ANKLE2: variants seen among roughly 807,000 people sequenced by gnomAD.
ANKLE2 encodes ankyrin repeat and LEM domain-containing protein 2.
Under a neutral mutation model 84.2 loss-of-function variants are expected in ANKLE2, and 55 were observed. That is an observed-to-expected ratio of 0.65 (90% confidence interval 0.53 to 0.82). ANKLE2 has a LOEUF of 0.82. Ranked by LOEUF, ANKLE2 falls within the 40% of genes least tolerant of loss-of-function variation. ANKLE2 has a pLI of 0.00. For synonymous variants in ANKLE2, 551 were observed against 486.1 expected, an observed-to-expected ratio of 1.13 and a Z score of -1.76; for missense variants, 1,238 against 1,201.9, an observed-to-expected ratio of 1.03 and a Z score of -0.44.
intron 2 of ANKLE2, among the ~76,000 whole-genome samples, chr12:132,753,725 T>C (rs1381168322): frequency 1.3e-5 from 2 of 150,270 alleles, no homozygotes; most frequent in Non-Finnish European, 3.0e-5. Context: ...CAGGTGACAG[T>C]GCGAGACTCT....
chr12:132,737,765 TC>T (rs2044042907), intron 7 of ANKLE2: 1 of 151,278 alleles, frequency 6.6e-6, no homozygotes, highest in African/African-American at 2.5e-5. Flanking sequence ...TTTTTTCTCC[TC>T]TTAGTTTCAG....
At chr12:132,741,824 A>G (rs2044129443) in intron 6 of ANKLE2, 2 of 479,304 alleles carry the variant, frequency 4.2e-6, no homozygotes, top group African/African-American at 2.0e-5. Context: ...TGGTTGGTTG[A>G]GTTCCACTTA....
chr12:132,741,312 C>A, intron 7 of ANKLE2, 107 bp downstream of exon 7: 1 of 1,101,680 alleles, frequency 9.1e-7, no homozygotes, highest in South Asian at 1.4e-5. Context: ...GGGGAGCCGG[C>A]ACACGCCCGG....
Position 132,732,840 on chromosome 12 carries a change from G to A in ANKLE2, c.1891+1545C>T, listed in dbSNP as rs544978137. ...ACGTGCACCATGTGAAGCCCTCTGC[G>A]TGCTGGTGTCTGATATGCACCGTGT... is the stretch of plus-strand genomic sequence containing the variant. On this transcript the variant is annotated intron_variant, in intron 10 of 12. Coordinates refer to ENST00000357997, the MANE Select transcript of ANKLE2 (RefSeq NM_015114.3). Among the ~76,000 whole-genome samples the A allele has an allele frequency of 9.6e-4, 130 of 135,890 alleles. 6 individuals carry two copies. Among genetic ancestry groups the A allele is most frequent in the African/African-American group, 1.3e-3 (45 of 34,038 alleles). 89.1% of individuals were successfully genotyped at this position (135,890 alleles called of 152,430 possible).
intron 7 of ANKLE2, among the ~76,000 whole-genome samples, chr12:132,739,219 A>G (rs2044073348): frequency 6.6e-6 from 1 of 152,208 alleles, no homozygotes; most frequent in Non-Finnish European, 1.5e-5. Flanking sequence ...CAGGTTACCT[A>G]TATAACAAAC....
chr12:132,734,831 C>T lies in ANKLE2; in HGVS notation c.1701-256G>A, dbSNP rs1356744346. 26 of 466,186 alleles carry T rather than the reference C, an allele frequency of 5.6e-5. 1 individual carries two copies. The highest frequency in any genetic ancestry group is 8.4e-5 in the East Asian group (2 of 23,854). 28.9% of individuals were successfully genotyped at this position (466,186 alleles called of 1,614,324 possible). A position where few individuals can be genotyped will look rare whatever the true frequency, so the allele number is the denominator to read the frequency against. Reference sequence around the variant, plus strand: ...TGCAGGCAGGAAGGAGGCCTCAGCCCGACAGACCCTCACGCCAGCAACCCA... The same window carrying T: ...TGCAGGCAGGAAGGAGGCCTCAGCCTGACAGACCCTCACGCCAGCAACCCA... On this transcript the variant is annotated intron_variant, in intron 9 of 12. Coordinates refer to ENST00000357997, the MANE Select transcript of ANKLE2 (RefSeq NM_015114.3).
intron 2 of ANKLE2, among the ~76,000 whole-genome samples, chr12:132,753,522 T>A (rs1047862540): frequency 6.6e-6 from 1 of 152,032 alleles, no homozygotes. Context: ...TCCCAGAACT[T>A]TGGGAGGCCG....
At position 132,748,197 on chromosome 12, in the gene ANKLE2, G is replaced by A. The variant is rs2044280754; in HGVS notation, c.982C>T (p.Leu328Phe). 6.2e-7 allele frequency: 1 copy of A among 1,614,038 alleles called. No individual in the cohort carries two copies. Among genetic ancestry groups the A allele is most frequent in the Non-Finnish European group, 8.5e-7 (1 of 1,179,980 alleles). ...EKGEEDTFSD[L>F]IWSNPRYLIG... ...AGATACCGGGGGTTGCTCCAGATAA[G>A]GTCAGAAAAGGTGTCCTCCTCTCCC... The change falls in exon 4 of 13, where the codon CTT (leucine) becomes TTT (phenylalanine). Residue 328 changes from leucine (L) to phenylalanine (F), a missense_variant. Physicochemically the swap from Leu to Phe is conservative, Grantham distance 22. Transcript: ENST00000357997.
intron 7 of ANKLE2, among the ~76,000 whole-genome samples, chr12:132,740,768 G>C (rs1051086706): frequency 6.6e-6 from 1 of 151,590 alleles, no homozygotes; most frequent in Non-Finnish European, 1.5e-5. Context: ...AGGCACAGGG[G>C]CCAACAACTA....
intron 5 of ANKLE2, among the ~76,000 whole-genome samples, chr12:132,746,144 G>A (rs577692117): frequency 2.0e-5 from 3 of 152,064 alleles, no homozygotes; most frequent in Non-Finnish European, 4.4e-5. Flanking sequence ...GTCAGGAGAT[G>A]GAGACCATCC....
At chr12:132,744,123 C>T (rs575709874) in intron 5 of ANKLE2, among the ~76,000 whole-genome samples, 1 of 152,288 alleles carries the variant, frequency 6.6e-6, no homozygotes, top group East Asian at 1.9e-4. Flanking sequence ...CCCACAGCTG[C>T]ACCTCTATCC....
At chr12:132,736,226 A>G (rs1457408017) in intron 8 of ANKLE2, among the ~76,000 whole-genome samples, 1 of 152,236 alleles carries the variant, frequency 6.6e-6, no homozygotes, top group Non-Finnish European at 1.5e-5. Context: ...CTGGGATTTC[A>G]GGCATGCGTC....
In ANKLE2 at chr12:132,735,433, G is replaced by A. The variant is rs756582528; in HGVS notation, c.1673C>T (p.Pro558Leu). Residue 558 changes from proline to leucine, a missense_variant, in exon 9 of 13, where the codon CCG (proline) becomes CTG (leucine). Pro to Leu is a moderately conservative substitution (Grantham distance 98, BLOSUM62 -3). This residue lies in a region of ANKLE2 where 802 missense variants were observed against 774.5 expected (regional missense o/e 1.04). Transcript: ENST00000357997. ...TCCCACTCTCTCAAAGCCTCTTTCC[G>A]GGTCCGACTTCTTGACGTGGTGAAG... The part of the protein sequence containing the change: ...GFLHHVKKSD[P>L]ERGFERVGRE... 6.2e-6 allele frequency: 10 copies of A among 1,614,040 alleles called. No individual in the cohort carries two copies. Among genetic ancestry groups the A allele is most frequent in the East Asian group, 2.2e-5 (1 of 44,876 alleles).
chr12:132,737,378 A>C (rs778553528), intron 7 of ANKLE2: 5 of 284,862 alleles, frequency 1.8e-5, no homozygotes, highest in Non-Finnish European at 2.7e-5. Context: ...CTGAGTGAAT[A>C]AGAGTAGCAC....
intron 3 of ANKLE2, among the ~76,000 whole-genome samples, chr12:132,749,443 A>G (rs906596438): frequency 2.0e-5 from 3 of 152,208 alleles, no homozygotes; most frequent in African/African-American, 7.2e-5. Context: ...GGCGTGAGCC[A>G]CCTCGCCCGG....
Position 132,748,363 on chromosome 12 carries a change from C to A in ANKLE2, c.848-32G>T. 1.9e-6 allele frequency: 3 copies of A among 1,611,874 alleles called. No individual in the cohort carries two copies. The South Asian group carries it at 3.3e-5, about 18-fold the overall frequency. ...GTAAGAGACAGAATTTAAGAACAAT[C>A]AGTTTCACCAAAAGTCACTCATCAC... On this transcript the variant is annotated intron_variant, in intron 3 of 12. Coordinates refer to ENST00000357997, the MANE Select transcript of ANKLE2 (RefSeq NM_015114.3).
intron 11 of ANKLE2, among the ~76,000 whole-genome samples, chr12:132,728,410 A>T (rs1468240447): frequency 6.6e-6 from 1 of 152,090 alleles, no homozygotes; most frequent in Non-Finnish European, 1.5e-5. Flanking sequence ...TTGTATTTTT[A>T]TTAGAGATAG....
In ANKLE2 at chr12:132,729,701, C is replaced by A; in HGVS notation, c.2461G>T (p.Ala821Ser). The stretch of plus-strand genomic sequence containing the variant: ...TACCCAAAAAGGAAGAGCCGCCTGG[C>A]CGGTTCCCTGGTGACCTCGAGCTGA... ...EDQLEVTREP[A>S]RRLFLFGEEP... Residue 821 changes from alanine to serine, a missense_variant, in exon 11 of 13, where the codon GCC becomes TCC. Physicochemically the swap from Ala to Ser is moderately conservative, Grantham distance 99. Around this residue, in one of 3 missense-constraint regions of ANKLE2, gnomAD observed 802 missense variants for 774.5 expected, o/e 1.04. Transcript: ENST00000357997. 6.2e-7 allele frequency: 1 copy of A among 1,607,128 alleles called. No individual in the cohort carries two copies. The highest frequency in any genetic ancestry group is 8.5e-7 in the Non-Finnish European group (1 of 1,178,112).
intron 3 of ANKLE2, 133 bp from the exon 4 acceptor site, chr12:132,748,464 A>C (rs2044286968): frequency 1.0e-6 from 1 of 996,852 alleles, no homozygotes; most frequent in Non-Finnish European, 1.5e-6. Context: ...AGGTGAGAAA[A>C]GACGAGAAGG....
Sources: gnomAD v4.1 joint callset for allele counts (sites outside exome capture counted in the v4.1 genomes callset) on GRCh38, gnomAD v4.1.1 for gene constraint, gnomAD v4.1.1 regional missense constraint, MANE v1.5 for transcripts, NCBI Gene and HGNC (gene_info 2026-07-23, HGNC 2026-07-21) for gene names.